TBCE: variants seen among roughly 807,000 people sequenced by gnomAD.
The protein encoded by TBCE is tubulin-specific chaperone E.
A neutral mutation model predicts 77.0 loss-of-function variants in TBCE; 53 were observed. That is an observed-to-expected ratio of 0.69 (90% confidence interval 0.55 to 0.87). The LOEUF (loss-of-function observed/expected upper bound fraction) is 0.87, where lower values mean the gene tolerates loss of function less well. Among genes scored for constraint, TBCE ranks in the 40% least tolerant of loss-of-function variants. The pLI is 0.00. For synonymous variants in TBCE, 235 were observed against 241.3 expected (o/e 0.97, Z 0.24); for missense variants, 624 against 622.4 (o/e 1.00, Z -0.03).
intron 2 of TBCE, among the ~76,000 whole-genome samples, chr1:235,394,964 G>A (rs888772925): frequency 6.6e-6 from 1 of 151,960 alleles, no homozygotes; most frequent in African/African-American, 2.4e-5. Flanking sequence ...CTTGGCCTCC[G>A]AAAGTGCTGG....
intron 2 of TBCE, among the ~76,000 whole-genome samples, chr1:235,399,801 G>A (rs938801816): frequency 2.6e-5 from 4 of 152,290 alleles, no homozygotes; most frequent in South Asian, 2.1e-4. Context: ...AGTTCCAGAC[G>A]CCCAGGCTAG....
At chr1:235,394,425 T>TTTTC (rs1678603121) in intron 2 of TBCE, among the ~76,000 whole-genome samples, 1 of 132,170 alleles carries the variant, frequency 7.6e-6, no homozygotes, top group African/African-American at 2.9e-5. Flanking sequence ...TTTCTTTTTT[T>TTTTC]TTTTTTTTTT....
chr1:235,427,566 G>A (rs973905047), intron 6 of TBCE, among the ~76,000 whole-genome samples: 2 of 152,138 alleles, frequency 1.3e-5, no homozygotes, highest in South Asian at 2.1e-4. Flanking sequence ...TTCCAGCCAC[G>A]TGTACAGTAA....
intron 15 of TBCE, among the ~76,000 whole-genome samples, chr1:235,443,345 T>C (rs1287648489): frequency 6.6e-6 from 1 of 151,960 alleles, no homozygotes; most frequent in Non-Finnish European, 1.5e-5. Context: ...GGACTACACG[T>C]GCGAGCCACC....
intron 5 of TBCE, among the ~76,000 whole-genome samples, chr1:235,420,772 C>T (rs542495766): frequency 2.0e-5 from 3 of 152,160 alleles, no homozygotes; most frequent in South Asian, 2.1e-4. Flanking sequence ...TGAGCCACCA[C>T]GCCTGGCCTC....
In TBCE at chr1:235,449,226, C is replaced by CTATTAT. The variant is rs1682738378; in HGVS notation, c.*465_*470dup. 1 of 189,120 alleles carries CTATTAT rather than the reference C, an allele frequency of 5.3e-6. No individual in the cohort carries two copies. The highest frequency in any genetic ancestry group is 1.1e-5 in the Non-Finnish European group (1 of 90,164). 11.7% of individuals were successfully genotyped at this position (189,120 alleles called of 1,614,324 possible). A position where few individuals can be genotyped will look rare whatever the true frequency, so the allele number is the denominator to read the frequency against. ...ATCCTCTACTATGTATAACAATATGCTATTATCTGTCTTCTCAGTTGCACT... is the reference window on the plus strand; with the variant it reads ...ATCCTCTACTATGTATAACAATATGCTATTATTATTATCTGTCTTCTCAGTTGCACT... On this transcript the variant is annotated 3_prime_UTR_variant, in exon 17 of 17. Coordinates refer to ENST00000642610, the MANE Select transcript of TBCE (RefSeq NM_003193.5).
At chr1:235,387,718 T>C (rs1270113040) in intron 2 of TBCE, among the ~76,000 whole-genome samples, 1 of 152,096 alleles carries the variant, frequency 6.6e-6, no homozygotes, top group East Asian at 1.9e-4. Context: ...TTTCTTTGAC[T>C]AGCAAAGGGA....
At position 235,449,178 on chromosome 1, in the gene TBCE, A is replaced by C. The variant is rs1572471887; in HGVS notation, c.*416A>C. On this transcript the variant is annotated 3_prime_UTR_variant, in exon 17 of 17. Transcript: ENST00000642610. ...ATGATTTGGTTGGTCATTTTGGGAA[A>C]TGTCCCTTAAACTTGGGGAGACATC... 7 of 249,438 alleles carry C rather than the reference A, an allele frequency of 2.8e-5. No homozygotes were observed. The highest frequency in any genetic ancestry group is 2.4e-4 in the South Asian group (5 of 20,738). The allele number at this position is 249,438 out of a possible 1,614,324, so 15.5% of individuals were successfully genotyped here.
Position 235,450,412 on chromosome 1 carries a change from A to C in TBCE, c.*1650A>C. On this transcript the variant is annotated 3_prime_UTR_variant, in exon 17 of 17. Transcript: ENST00000642610. ...TAAGAGCATCAGAAAGTATGCACGT[A>C]GACAGCTTTTATGTATTCTAATGAT... The C allele has an allele frequency of 6.6e-7, 1 of 1,522,664 alleles. No homozygotes were observed. The highest frequency in any genetic ancestry group is 1.1e-5 in the South Asian group (1 of 87,964). The allele number at this position is 1,522,664 out of a possible 1,614,324, so 94.3% of individuals were successfully genotyped here.
At chr1:235,403,016 A>G (rs1679210062) in intron 3 of TBCE, among the ~76,000 whole-genome samples, 1 of 152,128 alleles carries the variant, frequency 6.6e-6, no homozygotes, top group Non-Finnish European at 1.5e-5. Context: ...CACACAGCAT[A>G]TCTCCTGGTC....
intron 15 of TBCE, among the ~76,000 whole-genome samples, chr1:235,444,846 G>A (rs533756162): frequency 2.0e-5 from 3 of 152,240 alleles, no homozygotes; most frequent in South Asian, 2.1e-4. Context: ...GACCTGTTTC[G>A]TTAAGCTTTC....
chr1:235,414,215 TGTTA>T (rs1308067799), intron 3 of TBCE, among the ~76,000 whole-genome samples: 1 of 152,182 alleles, frequency 6.6e-6, no homozygotes, highest in Non-Finnish European at 1.5e-5. Flanking sequence ...TCATATTACT[TGTTA>T]GTTTATTTAA....
chr1:235,409,297 G>A (rs1030675216), intron 3 of TBCE, among the ~76,000 whole-genome samples: 1 of 152,068 alleles, frequency 6.6e-6, no homozygotes, highest in Non-Finnish European at 1.5e-5. Context: ...CAAGAGAAAC[G>A]TTTTTGGACA....
At chr1:235,375,461 G>A (rs1677237893) in intron 1 of TBCE, among the ~76,000 whole-genome samples, 1 of 152,080 alleles carries the variant, frequency 6.6e-6, no homozygotes. Flanking sequence ...CTGACTGCAG[G>A]TCATTTTGAC....
At chr1:235,382,555 CTGA>C (rs1173982024) in intron 2 of TBCE, among the ~76,000 whole-genome samples, 1 of 152,136 alleles carries the variant, frequency 6.6e-6, no homozygotes, top group Non-Finnish European at 1.5e-5. Flanking sequence ...TTGCATTTCT[CTGA>C]TGGCCAGTGA....
At position 235,425,737 on chromosome 1, in the gene TBCE, C is replaced by T. The variant is rs758253428; in HGVS notation, c.461-1403C>T. Among the ~76,000 whole-genome samples the T allele has an allele frequency of 6.6e-4, 100 of 152,048 alleles. 1 individual carries two copies. Among genetic ancestry groups the T allele is most frequent in the Non-Finnish European group, 5.3e-4 (36 of 68,002 alleles). On this transcript the variant is annotated intron_variant, in intron 5 of 16. Transcript: ENST00000642610. Reference sequence around the variant, plus strand: ...TCTGCTCGAGTCACACAGGCGCTGGCGGTCCCGGTCATAGGCTGAGCTCGT... The same window carrying T: ...TCTGCTCGAGTCACACAGGCGCTGGTGGTCCCGGTCATAGGCTGAGCTCGT...
intron 2 of TBCE, among the ~76,000 whole-genome samples, chr1:235,388,557 G>A (rs1259860434): frequency 3.3e-5 from 5 of 152,128 alleles, no homozygotes; most frequent in African/African-American, 1.2e-4. Flanking sequence ...CCAAAGTGCT[G>A]GGATTACGGG....
At chr1:235,448,590 G>C in intron 16 of TBCE, 80 bp from the exon 17 acceptor site, 1 of 1,389,396 alleles carries the variant, frequency 7.2e-7, no homozygotes. Flanking sequence ...CCTGGGGACG[G>C]GGTGGGGGAA....
intron 12 of TBCE, among the ~76,000 whole-genome samples, chr1:235,438,237 C>T (rs115872367): frequency 0.015 from 2,209 of 152,286 alleles, 48 homozygotes; most frequent in African/African-American, 0.049. Flanking sequence ...CTGGCCTATG[C>T]GCAAGTACTC....
Sources: gnomAD v4.1 joint callset for allele counts (sites outside exome capture counted in the v4.1 genomes callset) on GRCh38, gnomAD v4.1.1 for gene constraint, MANE v1.5 for transcripts, NCBI Gene and HGNC (gene_info 2026-07-23, HGNC 2026-07-21) for gene names.